Variants in MIA3 observed in about 807,000 individuals in gnomAD.
The protein encoded by MIA3 is transport and Golgi organization protein 1 homolog.
Under a neutral mutation model 192.4 loss-of-function variants are expected in MIA3, and 90 were observed. That is an observed-to-expected ratio of 0.47 (90% CI 0.39 to 0.56). MIA3 has a LOEUF of 0.56. Among genes scored for constraint, MIA3 ranks in the 20% least tolerant of loss-of-function variants. The pLI is 0.00. For missense variants in MIA3, 2,123 were observed against 2,269.4 expected (o/e 0.94, Z 1.31); for synonymous variants, 740 against 792.8 (o/e 0.93, Z 1.12).
At chr1:222,620,642 G>T (rs1445180085) in intron 1 of MIA3, among the ~76,000 whole-genome samples, 6 of 152,208 alleles carry the variant, frequency 3.9e-5, no homozygotes, top group Non-Finnish European at 2.9e-5. Flanking sequence ...ACTGGTTACA[G>T]TCACTTGAAG....
intron 13 of MIA3, among the ~76,000 whole-genome samples, 167 bp downstream of exon 13, chr1:222,652,499 CTCTA>C (rs1460002247): frequency 6.6e-6 from 1 of 152,194 alleles, no homozygotes; most frequent in East Asian, 1.9e-4. Flanking sequence ...GGTATACATT[CTCTA>C]TCTGTTCTGG....
At chr1:222,638,549 C>T (rs889355232) in intron 6 of MIA3, among the ~76,000 whole-genome samples, 2 of 151,748 alleles carry the variant, frequency 1.3e-5, no homozygotes, top group Non-Finnish European at 2.9e-5. Flanking sequence ...CACACACACA[C>T]AGCTGGGCAT....
chr1:222,648,603 A>G (rs967338288), intron 7 of MIA3, among the ~76,000 whole-genome samples: 2 of 152,222 alleles, frequency 1.3e-5, no homozygotes. Flanking sequence ...GCAAAGTAAG[A>G]TATTTACCTC....
At position 222,666,013 on chromosome 1, in the gene MIA3, AT is replaced by A. The variant is rs1240926273; in HGVS notation, c.*395del. On this transcript the variant is annotated 3_prime_UTR_variant, in exon 28 of 28. Transcript: ENST00000344922. ...AGCTGAATACGGAGCAATGGTGTTT[AT>A]AAGCGTTTTTTTAAACTATCTGGTC... is the stretch of plus-strand genomic sequence containing the variant. 3.2e-5 allele frequency: 5 copies of A among 156,604 alleles called. No homozygotes were observed. The Admixed American group carries it at 3.2e-4, about 10-fold the overall frequency. 9.7% of individuals were successfully genotyped at this position (156,604 alleles called of 1,614,324 possible).
rs376666133 is a variant in MIA3, at chr1:222,650,344, A to G, written c.3684A>G (p.Thr1228=). The change falls in exon 9 of 28, where the codon ACA becomes ACG. Residue 1228 remains threonine (T), a synonymous_variant. Coordinates refer to ENST00000344922, the MANE Select transcript of MIA3 (RefSeq NM_198551.4). Reference sequence around the variant, plus strand: ...TGAAGACTATCATGAAAGAAAATACAGAACTTGTACAAAAATTGTCAAATT... The same window carrying G: ...TGAAGACTATCATGAAAGAAAATACGGAACTTGTACAAAAATTGTCAAATT... The part of the protein sequence containing the change: ...EKLKTIMKEN[T]ELVQKLSNYE... 8.1e-5 allele frequency: 130 copies of G among 1,606,730 alleles called. 1 individual carries two copies. In the Middle Eastern group the frequency reaches 7.3e-3, roughly 90 times the overall value.
chr1:222,627,551 C>G (rs1173931885), intron 3 of MIA3, 24 bp from the exon 4 acceptor site: 3 of 1,535,608 alleles, frequency 2.0e-6, no homozygotes, highest in Non-Finnish European at 2.6e-6. Flanking sequence ...TATTGACAGA[C>G]TAATGTTTTT....
chr1:222,644,219 G>C (rs1349336993), intron 6 of MIA3: 2 of 1,155,656 alleles, frequency 1.7e-6, no homozygotes, highest in African/African-American at 3.1e-5. Flanking sequence ...CCGTCCCCTC[G>C]ATAGTTGGTT....
At chr1:222,623,431 G>C (rs1304801636) in intron 2 of MIA3, among the ~76,000 whole-genome samples, 1 of 151,984 alleles carries the variant, frequency 6.6e-6, no homozygotes, top group Non-Finnish European at 1.5e-5. Context: ...CCTTAAAATA[G>C]TCTCCCCTCT....
rs751029174 is a variant in MIA3, at chr1:222,629,879, A to T, written c.2659A>T (p.Met887Leu). 6.2e-7 allele frequency: 1 copy of T among 1,613,860 alleles called. No individual in the cohort carries two copies. The highest frequency in any genetic ancestry group is 8.5e-7 in the Non-Finnish European group (1 of 1,180,014). ...KEDHENTEKY[M>L]GTESQGSAAA... ...GGACCATGAGAACACAGAGAAGTAC[A>T]TGGGCACAGAAAGCCAGGGGTCTGC... The change falls in exon 4 of 28, where the codon ATG (methionine) becomes TTG (leucine). Residue 887 changes from methionine to leucine, a missense_variant. Met to Leu is a conservative substitution (Grantham distance 15). Around this residue, in one of 3 missense-constraint regions of MIA3, gnomAD observed 1,357 missense variants for 1,396.1 expected, o/e 0.97. Transcript: ENST00000344922.
At chr1:222,634,090 C>T (rs1436303446) in intron 6 of MIA3, among the ~76,000 whole-genome samples, 1 of 152,164 alleles carries the variant, frequency 6.6e-6, no homozygotes, top group Non-Finnish European at 1.5e-5. Flanking sequence ...GAGCTGCCCA[C>T]CTTGGCCTCC....
intron 2 of MIA3, among the ~76,000 whole-genome samples, chr1:222,621,640 G>A (rs1019222560): frequency 6.6e-6 from 1 of 152,234 alleles, no homozygotes; most frequent in Non-Finnish European, 1.5e-5. Flanking sequence ...TAAACTATAT[G>A]TGAGAGAGTG....
chr1:222,655,962 C>CTTTTTTTT (rs1283360501), intron 18 of MIA3, among the ~76,000 whole-genome samples: 5 of 71,254 alleles, frequency 7.0e-5, no homozygotes, highest in East Asian at 7.9e-4. Flanking sequence ...ACTTTCTTTC[C>CTTTTTTTT]CTTTTTTTTT....
Position 222,665,673 on chromosome 1 carries a change from T to G in MIA3, c.*54T>G. 1 of 1,360,216 alleles carries G rather than the reference T, an allele frequency of 7.4e-7. No individual in the cohort carries two copies. Among genetic ancestry groups the G allele is most frequent in the Non-Finnish European group, 9.8e-7 (1 of 1,021,034 alleles). The allele number at this position is 1,360,216 out of a possible 1,614,324, so 84.3% of individuals were successfully genotyped here. A position where few individuals can be genotyped will look rare whatever the true frequency, so the allele number is the denominator to read the frequency against. ...AGAAAGTGTACTGTGCATTATCCAT[T>G]ACAGTAAAGGATTTCATTGGCTTCA... On this transcript the variant is annotated 3_prime_UTR_variant, in exon 28 of 28. Transcript: ENST00000344922.
At chr1:222,640,302 AT>A (rs998021477) in intron 6 of MIA3, among the ~76,000 whole-genome samples, 9 of 151,612 alleles carry the variant, frequency 5.9e-5, no homozygotes, top group East Asian at 1.9e-4. Context: ...TCTCAGAAGG[AT>A]TTTTTTTTAA....
chr1:222,620,245 T>G (rs1223520435), intron 1 of MIA3, among the ~76,000 whole-genome samples: 4 of 152,224 alleles, frequency 2.6e-5, no homozygotes, highest in Admixed American at 1.3e-4. Context: ...TCTCTGCTAT[T>G]TAGATGTATT....
At chr1:222,659,566 T>C (rs1271206544) in intron 20 of MIA3, 53 bp downstream of exon 20, 3 of 1,610,722 alleles carry the variant, frequency 1.9e-6, no homozygotes, top group African/African-American at 2.7e-5. Context: ...TGATAACTAA[T>C]AGAGGCTATT....
Position 222,628,967 on chromosome 1 carries a change from A to G in MIA3, c.1747A>G (p.Met583Val), listed in dbSNP as rs372984794. The G allele has an allele frequency of 7.4e-6, 12 of 1,614,212 alleles. No homozygotes were observed. The highest frequency in any genetic ancestry group is 4.0e-5 in the African/African-American group (3 of 75,064). Residue 583 changes from methionine (M) to valine (V), a missense_variant, in exon 4 of 28, where the codon ATG becomes GTG. Coordinates refer to ENST00000344922, the MANE Select transcript of MIA3 (RefSeq NM_198551.4). ...QQESLGSAPL[M>V]GDDHPNASRD... ...GGAATCCCTGGGTAGTGCACCACTC[A>G]TGGGAGATGACCACCCTAACGCATC... is the stretch of plus-strand genomic sequence containing the variant.
chr1:222,656,016 C>T (rs1571903624), intron 18 of MIA3, among the ~76,000 whole-genome samples: 1 of 130,354 alleles, frequency 7.7e-6, no homozygotes, highest in African/African-American at 2.8e-5. Context: ...GCCGCCCAGG[C>T]TGGAGTGCAG....
At position 222,659,311 on chromosome 1, in the gene MIA3, T is replaced by C. The variant is rs1663888422; in HGVS notation, c.4710-142T>C. The C allele has an allele frequency of 7.2e-6, 5 of 696,104 alleles. No homozygotes were observed. The South Asian group carries it at 9.8e-5, about 14-fold the overall frequency. The allele number at this position is 696,104 out of a possible 1,614,324, so 43.1% of individuals were successfully genotyped here. A position where few individuals can be genotyped will look rare whatever the true frequency, so the allele number is the denominator to read the frequency against. On this transcript the variant is annotated intron_variant, in intron 19 of 27. Transcript: ENST00000344922. Reference sequence around the variant, plus strand: ...TTTTCATCATATTGTACTTTTGTTATAACCAACCATGTAAAATATGCTTTA... The same window carrying C: ...TTTTCATCATATTGTACTTTTGTTACAACCAACCATGTAAAATATGCTTTA...
Sources: allele counts gnomAD v4.1 joint callset (sites outside exome capture counted in the v4.1 genomes callset), GRCh38; gene constraint gnomAD v4.1.1; regional missense constraint gnomAD v4.1.1; transcripts MANE v1.5; gene names NCBI Gene and HGNC (gene_info 2026-07-23, HGNC 2026-07-21).